The following DIS3L2 variants were observed in gnomAD, a reference collection of about 807,000 sequenced individuals.
DIS3L2 encodes DIS3-like exonuclease 2.
DIS3L2 carries 34 observed loss-of-function variants against 97.5 expected under a neutral mutation model. The observed-to-expected ratio is 0.35, with a 90% confidence interval of 0.27 to 0.46. The LOEUF is 0.46. Among genes scored for constraint, DIS3L2 ranks in the 20% least tolerant of loss-of-function variants. The pLI, the probability that DIS3L2 is intolerant of heterozygous loss-of-function variation, is 1.00. For synonymous variants in DIS3L2, 435 were observed against 445.2 expected, an observed-to-expected ratio of 0.98 and a Z score of 0.29; for missense variants, 1,038 against 1,146.0, an observed-to-expected ratio of 0.91 and a Z score of 1.36.
intron 8 of DIS3L2, among the ~76,000 whole-genome samples, chr2:232,142,909 T>C (rs762984947): frequency 6.6e-6 from 1 of 152,216 alleles, no homozygotes; most frequent in Non-Finnish European, 1.5e-5. Flanking sequence ...GTGATGCCAT[T>C]ATATCTGTTT....
chr2:232,174,537 G>A (rs553201923), intron 9 of DIS3L2, among the ~76,000 whole-genome samples: 2 of 136,520 alleles, frequency 1.5e-5, no homozygotes, highest in African/African-American at 5.7e-5. Flanking sequence ...AGTGAGCAGA[G>A]ATCACGCCAC....
At chr2:232,077,953 TTCTCTTTC>T (rs2106294749) in intron 5 of DIS3L2, among the ~76,000 whole-genome samples, 1 of 137,312 alleles carries the variant, frequency 7.3e-6, no homozygotes, top group South Asian at 2.5e-4. Flanking sequence ...TTTTCTTTCT[TTCTCTTTC>T]TTTCTTTCTT....
intron 5 of DIS3L2, among the ~76,000 whole-genome samples, chr2:232,058,967 T>G (rs992693466): frequency 2.6e-5 from 4 of 152,228 alleles, no homozygotes; most frequent in African/African-American, 9.6e-5. Flanking sequence ...ATGACTTATT[T>G]TTTTTCTTTT....
intron 5 of DIS3L2, among the ~76,000 whole-genome samples, chr2:232,048,608 T>C (rs952697430): frequency 4.6e-5 from 7 of 151,938 alleles, no homozygotes; most frequent in African/African-American, 1.7e-4. Flanking sequence ...GGGGTGCGCC[T>C]GTAGTCCCAG....
chr2:232,189,457 A>G (rs929725969), intron 9 of DIS3L2, among the ~76,000 whole-genome samples: 2 of 152,218 alleles, frequency 1.3e-5, no homozygotes, highest in Non-Finnish European at 2.9e-5. Flanking sequence ...AGGGTTACAT[A>G]TGTACTGTAT....
chr2:232,319,886 C>G (rs1008282860), intron 14 of DIS3L2, among the ~76,000 whole-genome samples: 1 of 152,220 alleles, frequency 6.6e-6, no homozygotes, highest in Admixed American at 6.5e-5. Context: ...TTGACCCAGC[C>G]TGCCTGAAAG....
chr2:232,093,379 A>G (rs1422236826), intron 6 of DIS3L2, among the ~76,000 whole-genome samples: 2 of 151,940 alleles, frequency 1.3e-5, no homozygotes, highest in Non-Finnish European at 2.9e-5. Context: ...TCTGTTTTTG[A>G]TATCAGGGTA....
intron 10 of DIS3L2, among the ~76,000 whole-genome samples, chr2:232,222,604 G>A (rs531366439): frequency 1.7e-4 from 26 of 152,136 alleles, no homozygotes; most frequent in Non-Finnish European, 2.9e-4. Flanking sequence ...CCTAGTAGCT[G>A]GGACTACAGG....
At chr2:232,238,443 G>A (rs1692992622) in intron 10 of DIS3L2, 90 bp from the exon 11 acceptor site, 8 of 1,070,402 alleles carry the variant, frequency 7.5e-6, no homozygotes, top group Non-Finnish European at 1.1e-5. Flanking sequence ...TGTGGCCTCT[G>A]GGAGTGACAT....
chr2:232,083,582 C>T (rs1380178728), intron 5 of DIS3L2, among the ~76,000 whole-genome samples: 1 of 151,560 alleles, frequency 6.6e-6, no homozygotes, highest in African/African-American at 2.4e-5. Context: ...GCAACCTCTG[C>T]CCCCTGGGCT....
intron 8 of DIS3L2, among the ~76,000 whole-genome samples, chr2:232,155,022 G>T (rs1045416296): frequency 4.0e-5 from 6 of 149,312 alleles, no homozygotes; most frequent in Non-Finnish European, 7.4e-5. Context: ...CTGACCCCTT[G>T]CGCTTCCCAG....
chr2:231,970,839 T>C (rs1308820924), intron 1 of DIS3L2, among the ~76,000 whole-genome samples: 1 of 152,204 alleles, frequency 6.6e-6, no homozygotes, highest in Non-Finnish European at 1.5e-5. Flanking sequence ...TTTTGATTCT[T>C]ATAATAATAC....
intron 13 of DIS3L2, among the ~76,000 whole-genome samples, chr2:232,275,171 A>C (rs928668829): frequency 6.6e-6 from 1 of 151,972 alleles, no homozygotes; most frequent in Non-Finnish European, 1.5e-5. Flanking sequence ...TCTTCCTCCA[A>C]TATCTCTGGC....
intron 11 of DIS3L2, among the ~76,000 whole-genome samples, chr2:232,246,278 G>C (rs937550886): frequency 3.9e-5 from 6 of 152,244 alleles, no homozygotes; most frequent in Non-Finnish European, 8.8e-5. Context: ...GCAATGAGCT[G>C]AATCTGAAAG....
intron 13 of DIS3L2, among the ~76,000 whole-genome samples, chr2:232,295,410 A>G (rs1694700180): frequency 6.6e-6 from 1 of 152,284 alleles, no homozygotes; most frequent in South Asian, 2.1e-4. Flanking sequence ...ATCGCTGCCC[A>G]TCTTCCTTCC....
At chr2:231,980,546 AAAT>A (rs747271891) in intron 1 of DIS3L2, among the ~76,000 whole-genome samples, 2 of 152,098 alleles carry the variant, frequency 1.3e-5, no homozygotes, top group African/African-American at 2.4e-5. Flanking sequence ...AAAATACAAA[AAAT>A]CAGCTGGGCG....
intron 1 of DIS3L2, among the ~76,000 whole-genome samples, chr2:231,964,045 C>G (rs938527697): frequency 2.0e-5 from 3 of 152,110 alleles, no homozygotes; most frequent in Middle Eastern, 3.2e-3. Flanking sequence ...AATCTTTAAC[C>G]CATTATGTAT....
chr2:232,248,674 C>T (rs1693331743), intron 11 of DIS3L2, among the ~76,000 whole-genome samples: 5 of 152,148 alleles, frequency 3.3e-5, no homozygotes, highest in Admixed American at 3.3e-4. Context: ...ACTAGTTGAT[C>T]ACAATGTTTA....
chr2:232,311,141 G>T lies in DIS3L2; in HGVS notation c.1739+11022G>T, dbSNP rs140422030. ...TTTCTGGCTTTCTGAGGCCAGAACT[G>T]ACCCAAACAAGGAAATGGGGGAGCC... On this transcript the variant is annotated intron_variant, in intron 14 of 20. Transcript: ENST00000325385. 2.9e-3 allele frequency among the ~76,000 whole-genome samples: 449 copies of T among 152,284 alleles called. 2 individuals carry two copies. The highest frequency in any genetic ancestry group is 0.013 in the East Asian group (66 of 5,174).
Sources: allele counts gnomAD v4.1 joint callset (sites outside exome capture counted in the v4.1 genomes callset), GRCh38; gene constraint gnomAD v4.1.1; transcripts MANE v1.5; gene names NCBI Gene and HGNC (gene_info 2026-07-23, HGNC 2026-07-21).